The following CHIT1 variants were observed in gnomAD, a reference collection of about 807,000 sequenced individuals.
The protein encoded by CHIT1 is chitinase 1, also known as chitotriosidase-1.
CHIT1 carries 47 observed loss-of-function variants against 52.0 expected under a neutral mutation model. The ratio of observed to expected loss-of-function variants is 0.90; its 90% CI spans 0.71 to 1.15. The LOEUF (loss-of-function observed/expected upper bound fraction) is 1.15. Ranked by LOEUF, CHIT1 falls within the 50% of genes most tolerant of loss-of-function variation. The pLI is 0.00. For synonymous variants in CHIT1, 242 were observed against 228.2 expected, an observed-to-expected ratio of 1.06 and a Z score of -0.54; for missense variants, 569 against 583.0, an observed-to-expected ratio of 0.98 and a Z score of 0.25.
intron 2 of CHIT1, among the ~76,000 whole-genome samples, chr1:203,227,313 C>A (rs146992617): frequency 6.6e-6 from 1 of 152,200 alleles, no homozygotes; most frequent in East Asian, 1.9e-4. Flanking sequence ...TTGGTGAACT[C>A]CCCAAAGGAA....
intron 1 of CHIT1, 77 bp from the exon 2 acceptor site, chr1:203,228,639 C>G: frequency 6.7e-7 from 1 of 1,499,066 alleles, no homozygotes; most frequent in African/African-American, 1.4e-5. Flanking sequence ...TACGGAAGCA[C>G]AGGAGGTGGT....
At position 203,222,188 on chromosome 1, in the gene CHIT1, C is replaced by T. The variant is rs1216550144; in HGVS notation, c.729+14G>A. On this transcript the variant is annotated intron_variant, in intron 7 of 10. Coordinates refer to ENST00000367229, the MANE Select transcript of CHIT1 (RefSeq NM_003465.3). ...GACAGGGGAGTCCTGCCTCAGCCCT[C>T]CTGCCACACGTACCACGTTGAGGCT... is the stretch of plus-strand genomic sequence containing the variant. 1 of 1,613,692 alleles carries T rather than the reference C, an allele frequency of 6.2e-7. No individual in the cohort carries two copies. The highest frequency in any genetic ancestry group is 2.2e-5 in the East Asian group (1 of 44,888).
At chr1:203,221,536 G>A (rs1258680895) in intron 7 of CHIT1, among the ~76,000 whole-genome samples, 4 of 152,084 alleles carry the variant, frequency 2.6e-5, no homozygotes, top group Admixed American at 6.5e-5. Context: ...CAGGAGGATC[G>A]CTTAAGCCTG....
intron 3 of CHIT1, 67 bp downstream of exon 3, chr1:203,225,602 G>T: frequency 6.6e-7 from 1 of 1,518,902 alleles, no homozygotes; most frequent in Non-Finnish European, 9.1e-7. Flanking sequence ...GAGGTGTCTG[G>T]CTCTGGGAGG....
At chr1:203,224,576 C>A (rs1232015674) in intron 4 of CHIT1, among the ~76,000 whole-genome samples, 3 of 152,176 alleles carry the variant, frequency 2.0e-5, no homozygotes, top group Non-Finnish European at 4.4e-5. Flanking sequence ...CTCCATAAAT[C>A]ATTTAAAAAA....
chr1:203,223,672 T>A lies in CHIT1; in HGVS notation c.315-12A>T. ...CCATATCTGTGAACCTGTGAGGTGA[T>A]GAAGGGGAGTAAGGGCCGGCCTTGG... On this transcript the variant is annotated splice_polypyrimidine_tract_variant and intron_variant, in intron 4 of 10. Coordinates refer to ENST00000367229, the MANE Select transcript of CHIT1 (RefSeq NM_003465.3). 6.2e-7 allele frequency: 1 copy of A among 1,614,078 alleles called. No individual in the cohort carries two copies. The highest frequency in any genetic ancestry group is 8.5e-7 in the Non-Finnish European group (1 of 1,179,978).
At chr1:203,220,696 C>T (rs1336173476) in intron 7 of CHIT1, among the ~76,000 whole-genome samples, 2 of 152,206 alleles carry the variant, frequency 1.3e-5, no homozygotes, top group Non-Finnish European at 2.9e-5. Context: ...GAACAGCTTT[C>T]ACTACATTTA....
chr1:203,225,725 G>A lies in CHIT1; in HGVS notation c.201C>T (p.Ser67=), dbSNP rs1656903623. 1 of 1,614,030 alleles carries A rather than the reference G, an allele frequency of 6.2e-7. No homozygotes were observed. Among genetic ancestry groups the A allele is most frequent in the South Asian group, 1.1e-5 (1 of 91,090 alleles). ...AFAGMTNHQL[S]TTEWNDETLY... is the part of the protein sequence containing the mutation. Reference sequence around the variant, plus strand: ...GAGTCTCGTCATTCCACTCAGTGGTGCTCAGCTGGTGGTTGGTCATGCCAG... The same window carrying A: ...GAGTCTCGTCATTCCACTCAGTGGTACTCAGCTGGTGGTTGGTCATGCCAG... Residue 67 remains serine (S), a synonymous_variant, in exon 3 of 11, where the codon AGC becomes AGT. Transcript: ENST00000367229.
chr1:203,226,398 G>T (rs1656932924), intron 2 of CHIT1, among the ~76,000 whole-genome samples: 1 of 152,218 alleles, frequency 6.6e-6, no homozygotes, highest in Non-Finnish European at 1.5e-5. Context: ...GACATGGCAT[G>T]CTCATCTGCA....
At chr1:203,227,368 C>T (rs1656964685) in intron 2 of CHIT1, among the ~76,000 whole-genome samples, 1 of 152,176 alleles carries the variant, frequency 6.6e-6, no homozygotes, top group Non-Finnish European at 1.5e-5. Flanking sequence ...ATCCCCCAGG[C>T]CATGTAGGAA....
At chr1:203,218,360 T>C (rs1325178780) in intron 9 of CHIT1, among the ~76,000 whole-genome samples, 2 of 152,192 alleles carry the variant, frequency 1.3e-5, no homozygotes, top group African/African-American at 4.8e-5. Flanking sequence ...TGAGGCTTCC[T>C]GAGGGTATGA....
chr1:203,224,877 C>T (rs1185651819), intron 4 of CHIT1, among the ~76,000 whole-genome samples, 171 bp downstream of exon 4: 2 of 152,092 alleles, frequency 1.3e-5, no homozygotes, highest in Non-Finnish European at 2.9e-5. Flanking sequence ...TGCCCTCCAG[C>T]TGAGGTGCCA....
chr1:203,219,169 G>C, intron 9 of CHIT1, 47 bp downstream of exon 9: 1 of 953,408 alleles, frequency 1.0e-6, no homozygotes, highest in Non-Finnish European at 1.7e-6. Flanking sequence ...TCATTGACAG[G>C]ACTTGTTCAC....
intron 7 of CHIT1, among the ~76,000 whole-genome samples, chr1:203,221,361 T>C (rs528543894): frequency 1.3e-5 from 2 of 152,194 alleles, no homozygotes; most frequent in South Asian, 2.1e-4. Context: ...AGGCTGGGCA[T>C]GTTGGCTTGT....
intron 3 of CHIT1, 65 bp from the exon 4 acceptor site, chr1:203,225,169 G>A: frequency 6.7e-7 from 1 of 1,491,752 alleles, no homozygotes; most frequent in Non-Finnish European, 9.3e-7. Flanking sequence ...TGGCAGGGAT[G>A]TTACAGTGGG....
chr1:203,226,470 T>C (rs1265909229), intron 2 of CHIT1, among the ~76,000 whole-genome samples: 1 of 152,232 alleles, frequency 6.6e-6, no homozygotes, highest in Non-Finnish European at 1.5e-5. Flanking sequence ...TTCGTTAAAA[T>C]GCAAACAGAT....
rs977278241 is a variant in CHIT1 at position 203,216,278 on chromosome 1, A to T, written c.*611T>A. On this transcript the variant is annotated 3_prime_UTR_variant, in exon 11 of 11. Coordinates refer to ENST00000367229, the MANE Select transcript of CHIT1 (RefSeq NM_003465.3). ...AGGGCCTGCAAAGGGCCCAAACAGG[A>T]TTTATCTCGAAGACCCCTGAGTACC... The T allele has an allele frequency of 2.2e-6, 1 of 454,006 alleles. No homozygotes were observed. Among genetic ancestry groups the T allele is most frequent in the Admixed American group, 2.3e-5 (1 of 42,568 alleles). The allele number at this position is 454,006 out of a possible 1,614,324, so 28.1% of individuals were successfully genotyped here.
chr1:203,219,937 G>A, intron 7 of CHIT1, 88 bp from the exon 8 acceptor site: 1 of 1,493,170 alleles, frequency 6.7e-7, no homozygotes, highest in Non-Finnish European at 9.2e-7. Flanking sequence ...AGAGCTAGGA[G>A]GGCAGGGGCT....
At chr1:203,217,212 C>T (rs953948808) in intron 10 of CHIT1, 79 bp from the exon 11 acceptor site, 14 of 1,596,788 alleles carry the variant, frequency 8.8e-6, no homozygotes, top group African/African-American at 1.3e-5. Flanking sequence ...AGGCAGCAAC[C>T]ATTGGCTGGC....
Sources: gnomAD v4.1 joint callset for allele counts (sites outside exome capture counted in the v4.1 genomes callset) on GRCh38, gnomAD v4.1.1 for gene constraint, MANE v1.5 for transcripts, NCBI Gene and HGNC (gene_info 2026-07-23, HGNC 2026-07-21) for gene names.